DNM3: variants seen among roughly 807,000 people sequenced by gnomAD.
DNM3 encodes the protein dynamin 3, also known as dynamin-3.
A neutral mutation model predicts 101.6 loss-of-function variants in DNM3; 47 were observed. The ratio of observed to expected loss-of-function variants is 0.46; its 90% CI spans 0.37 to 0.59. DNM3 has a LOEUF of 0.59. Ranked by LOEUF, DNM3 falls within the 20% of genes least tolerant of loss-of-function variation. The probability of loss-of-function intolerance (pLI) is 0.00; values close to 1 mark genes in which losing one functional copy is unlikely to be tolerated. For synonymous variants in DNM3, 385 were observed against 387.9 expected (o/e 0.99, Z 0.09); for missense variants, 849 against 1,085.7 (o/e 0.78, Z 3.06).
At chr1:171,983,537 C>T (rs777747095) in intron 2 of DNM3, among the ~76,000 whole-genome samples, 3 of 151,944 alleles carry the variant, frequency 2.0e-5, no homozygotes, top group Non-Finnish European at 2.9e-5. Context: ...CTGTTTTCTC[C>T]TACCTTCTAA....
Position 172,306,145 on chromosome 1 carries a change from C to T in DNM3, c.1770-2583C>T, listed in dbSNP as rs1400606399. On this transcript the variant is annotated intron_variant, in intron 15 of 20. Transcript: ENST00000627582. ...TATTTAGAAAACCCCATCATCTCAG[C>T]CCAAAATCTCCTTAAGCTGATAAGC... Among the ~76,000 whole-genome samples the T allele has an allele frequency of 2.0e-5, 3 of 152,302 alleles. No homozygotes were observed. In the South Asian group the frequency reaches 6.2e-4, roughly 32 times the overall value.
At chr1:172,273,244 T>G (rs2063151699) in intron 15 of DNM3, among the ~76,000 whole-genome samples, 1 of 152,012 alleles carries the variant, frequency 6.6e-6, no homozygotes, top group Admixed American at 6.6e-5. Context: ...GTCAGTCTTA[T>G]CTTCTTCAAT....
intron 1 of DNM3, among the ~76,000 whole-genome samples, chr1:171,919,326 GC>G (rs2039972535): frequency 6.6e-6 from 1 of 152,058 alleles, no homozygotes; most frequent in South Asian, 2.1e-4. Flanking sequence ...CCTCTGACAG[GC>G]CCTGGTGTGT....
chr1:171,901,112 C>CAAAAAAAAA lies in DNM3; in HGVS notation c.162-20625_162-20617dup, dbSNP rs1243053508. On this transcript the variant is annotated intron_variant, in intron 1 of 20. Coordinates refer to ENST00000627582, the MANE Select transcript of DNM3 (RefSeq NM_015569.5). ...TGGGCGACAGAGCGAGACTCTGTCT[C>CAAAAAAAAA]AAAAAAAAAAAAAAAAAAAGAAAGA... 7.9e-4 allele frequency among the ~76,000 whole-genome samples: 53 copies of CAAAAAAAAA among 66,732 alleles called. 3 individuals carry two copies. Among genetic ancestry groups the CAAAAAAAAA allele is most frequent in the African/African-American group, 2.2e-3 (35 of 15,982 alleles). The allele number at this position is 66,732 out of a possible 152,430, so 43.8% of individuals were successfully genotyped here.
At chr1:172,104,925 T>C (rs1175192360) in intron 13 of DNM3, among the ~76,000 whole-genome samples, 2 of 152,214 alleles carry the variant, frequency 1.3e-5, no homozygotes, top group Non-Finnish European at 2.9e-5. Context: ...CCAGCCATAT[T>C]AAGGCAAGTT....
Position 171,961,971 on chromosome 1 carries a change from A to T in DNM3, c.236-25685A>T, listed in dbSNP as rs75531011. Among the ~76,000 whole-genome samples the T allele has an allele frequency of 1.6e-3, 246 of 152,288 alleles. 4 individuals are homozygous for T. In the East Asian group the frequency reaches 0.044, roughly 27 times the overall value. Reference sequence around the variant, plus strand: ...AGGCTGAGAAGTGTAAGATCAAGGGATTGCATCTGGTGAGGACCTTCTTAC... The same window carrying T: ...AGGCTGAGAAGTGTAAGATCAAGGGTTTGCATCTGGTGAGGACCTTCTTAC... On this transcript the variant is annotated intron_variant, in intron 2 of 20. Transcript: ENST00000627582.
chr1:172,337,876 A>ATTTTAT, intron 17 of DNM3, among the ~76,000 whole-genome samples: 1 of 89,592 alleles, frequency 1.1e-5, no homozygotes, highest in Non-Finnish European at 2.0e-5. Context: ...TTTTTATTTT[A>ATTTTAT]TTTTATTTTA....
chr1:171,868,807 G>A (rs2035003910), intron 1 of DNM3, among the ~76,000 whole-genome samples: 4 of 150,746 alleles, frequency 2.7e-5, no homozygotes, highest in South Asian at 2.1e-4. Flanking sequence ...TTTTTGAGAC[G>A]GAGTCTCGCT....
At chr1:171,872,021 A>G (rs1036557506) in intron 1 of DNM3, among the ~76,000 whole-genome samples, 2 of 151,842 alleles carry the variant, frequency 1.3e-5, no homozygotes, top group African/African-American at 4.8e-5. Context: ...AGCTATGGCC[A>G]TTGAGCTCAC....
In DNM3 at chr1:171,980,344, A is replaced by G. The variant is rs139914942; in HGVS notation, c.236-7312A>G. Among the ~76,000 whole-genome samples, 736 of 152,260 alleles carry G rather than the reference A, an allele frequency of 4.8e-3. 7 individuals are homozygous for G. Among genetic ancestry groups the G allele is most frequent in the African/African-American group, 0.017 (688 of 41,564 alleles). The stretch of plus-strand genomic sequence containing the variant: ...TAATTAACACATAATAATTGTACAT[A>G]TTTATGGAGTACAGTATGATATTTC... On this transcript the variant is annotated intron_variant, in intron 2 of 20. Coordinates refer to ENST00000627582, the MANE Select transcript of DNM3 (RefSeq NM_015569.5).
Position 172,388,772 on chromosome 1 carries a change from C to T in DNM3, c.2485C>T (p.Pro829Ser). 1 of 1,605,450 alleles carries T rather than the reference C, an allele frequency of 6.2e-7. No homozygotes were observed. Among genetic ancestry groups the T allele is most frequent in the South Asian group, 1.1e-5 (1 of 89,386 alleles). ...SDSFGAPPQVPSRPTRAPPSV... is the reference protein window; with the variant it reads ...SDSFGAPPQVSSRPTRAPPSV... ...CTCCTTCGGAGCCCCTCCACAAGTT[C>T]CATCTAGGCCTACGAGGGCCCCGCC... The change falls in exon 20 of 21, where the codon CCA becomes TCA. Residue 829 changes from proline to serine, a missense_variant. Around this residue, in one of 5 missense-constraint regions of DNM3, gnomAD observed 256 missense variants for 311.7 expected, o/e 0.82. Transcript: ENST00000627582.
intron 14 of DNM3, among the ~76,000 whole-genome samples, chr1:172,204,518 CA>C (rs1320955184): frequency 6.6e-6 from 1 of 152,078 alleles, no homozygotes; most frequent in African/African-American, 2.4e-5. Flanking sequence ...CAAAACTCAC[CA>C]AAACTAAATT....
chr1:172,272,816 G>C (rs1240724160), intron 15 of DNM3, among the ~76,000 whole-genome samples: 6 of 152,018 alleles, frequency 3.9e-5, no homozygotes, highest in African/African-American at 1.4e-4. Flanking sequence ...TTATCCAGTA[G>C]ACATTCAGCA....
At chr1:172,218,206 A>G (rs1270449373) in intron 14 of DNM3, among the ~76,000 whole-genome samples, 1 of 152,202 alleles carries the variant, frequency 6.6e-6, no homozygotes, top group Non-Finnish European at 1.5e-5. Context: ...AAAGAAGAAC[A>G]CTGGCATGTT....
intron 1 of DNM3, among the ~76,000 whole-genome samples, chr1:171,891,190 G>T (rs2037242800): frequency 6.6e-6 from 1 of 152,160 alleles, no homozygotes; most frequent in Non-Finnish European, 1.5e-5. Flanking sequence ...GGAGGCAGGT[G>T]ATGCAAATTA....
At chr1:172,262,192 G>A (rs890787317) in intron 15 of DNM3, among the ~76,000 whole-genome samples, 4 of 152,126 alleles carry the variant, frequency 2.6e-5, no homozygotes, top group East Asian at 3.9e-4. Flanking sequence ...TCTTGGCTCC[G>A]CAGCAGCTTA....
chr1:172,138,254 T>A (rs2057360905), intron 14 of DNM3: 2 of 151,456 alleles, frequency 1.3e-5, no homozygotes, highest in South Asian at 2.1e-4. Context: ...ACTGGCAGAG[T>A]TAACCCAGAC....
At chr1:171,946,081 T>C (rs576564398) in intron 2 of DNM3, among the ~76,000 whole-genome samples, 1 of 152,248 alleles carries the variant, frequency 6.6e-6, no homozygotes, top group South Asian at 2.1e-4. Flanking sequence ...TGGAAGTCTC[T>C]CAAGAGTTTT....
intron 20 of DNM3, among the ~76,000 whole-genome samples, chr1:172,398,921 A>C (rs970576471): frequency 7.9e-5 from 12 of 152,212 alleles, no homozygotes; most frequent in African/African-American, 2.9e-4. Flanking sequence ...TGTTGGCAAG[A>C]GATTAAAACG....
Sources: allele counts gnomAD v4.1 joint callset (sites outside exome capture counted in the v4.1 genomes callset), GRCh38; gene constraint gnomAD v4.1.1; regional missense constraint gnomAD v4.1.1; transcripts MANE v1.5; gene names NCBI Gene and HGNC (gene_info 2026-07-23, HGNC 2026-07-21).